Variants in AGPAT3 observed in about 807,000 individuals in gnomAD.
AGPAT3 encodes 1-acyl-sn-glycerol-3-phosphate acyltransferase gamma.
In AGPAT3, 5 loss-of-function variants were observed where a neutral mutation model predicts 47.3. The ratio of observed to expected loss-of-function variants is 0.11; its 90% CI spans 0.06 to 0.22. The LOEUF is 0.22. Among genes scored for constraint, AGPAT3 ranks in the 10% least tolerant of loss-of-function variants. The probability of loss-of-function intolerance (pLI) is 1.00; values close to 1 mark genes in which losing one functional copy is unlikely to be tolerated. For synonymous variants in AGPAT3, 212 were observed against 208.3 expected, an observed-to-expected ratio of 1.02 and a Z score of -0.15; for missense variants, 315 against 493.0, an observed-to-expected ratio of 0.64 and a Z score of 3.42.
intron 2 of AGPAT3, among the ~76,000 whole-genome samples, chr21:43,935,679 C>T (rs980699132): frequency 3.3e-5 from 5 of 152,086 alleles, no homozygotes; most frequent in African/African-American, 1.2e-4. Flanking sequence ...GTTATTCAGA[C>T]ATGGAAAGGG....
Position 43,872,997 on chromosome 21 carries a change from C to T in AGPAT3, c.-112+7652C>T, listed in dbSNP as rs180968615. Among the ~76,000 whole-genome samples, 38 of 152,370 alleles carry T rather than the reference C, an allele frequency of 2.5e-4. No individual in the cohort carries two copies. In the East Asian group the frequency reaches 2.9e-3, roughly 12 times the overall value. ...ACAGAGAGCTGCGGCCTCCCCCTGC[C>T]GGGACGGCGAAACTTAAAAGACTGT... On this transcript the variant is annotated intron_variant, in intron 1 of 9. Transcript: ENST00000291572.
At chr21:43,907,173 C>T (rs907005370) in intron 2 of AGPAT3, among the ~76,000 whole-genome samples, 9 of 151,806 alleles carry the variant, frequency 5.9e-5, no homozygotes, top group Admixed American at 2.0e-4. Flanking sequence ...GCTGGGACCA[C>T]GGGCATGGGC....
intron 2 of AGPAT3, among the ~76,000 whole-genome samples, chr21:43,943,454 G>C (rs944064813): frequency 6.6e-6 from 1 of 152,186 alleles, no homozygotes; most frequent in Non-Finnish European, 1.5e-5. Flanking sequence ...ATCACCTACT[G>C]TATACCAGGC....
At chr21:43,903,283 C>T (rs1306994404) in intron 1 of AGPAT3, among the ~76,000 whole-genome samples, 1 of 152,062 alleles carries the variant, frequency 6.6e-6, no homozygotes, top group African/African-American at 2.4e-5. Flanking sequence ...TTAATGGAGA[C>T]AGTGTTTCTG....
At chr21:43,919,216 C>T (rs769451236) in intron 2 of AGPAT3, among the ~76,000 whole-genome samples, 8 of 152,122 alleles carry the variant, frequency 5.3e-5, no homozygotes, top group East Asian at 3.9e-4. Flanking sequence ...TTTGGTTATG[C>T]GGACAGGTTC....
intron 2 of AGPAT3, among the ~76,000 whole-genome samples, chr21:43,904,834 C>T (rs1187094255): frequency 6.6e-6 from 1 of 152,196 alleles, no homozygotes; most frequent in Admixed American, 6.5e-5. Flanking sequence ...CAGGAGGTGT[C>T]TCCTCCAAAT....
chr21:43,912,361 C>A (rs1480086912), intron 2 of AGPAT3, among the ~76,000 whole-genome samples: 5 of 152,262 alleles, frequency 3.3e-5, no homozygotes, highest in Non-Finnish European at 7.3e-5. Context: ...ATGAATTTCT[C>A]CTGAGGAAGG....
chr21:43,926,484 C>T (rs995920609), intron 2 of AGPAT3, among the ~76,000 whole-genome samples: 1 of 152,106 alleles, frequency 6.6e-6, no homozygotes, highest in Non-Finnish European at 1.5e-5. Flanking sequence ...TCGGGTGTTT[C>T]ATTCTCACAG....
Position 43,981,802 on chromosome 21 carries a change from C to G in AGPAT3, c.1043-502C>G, listed in dbSNP as rs2089862317. Among the ~76,000 whole-genome samples, 1 of 152,184 alleles carries G rather than the reference C, an allele frequency of 6.6e-6. No homozygotes were observed. The highest frequency in any genetic ancestry group is 2.1e-4 in the South Asian group (1 of 4,826). On this transcript the variant is annotated intron_variant, in intron 9 of 9. Transcript: ENST00000291572. The surrounding 1 kb of genome is among the most constrained non-coding windows in gnomAD (Gnocchi z 5.3). ...GGCCCAGCAGCTGGGCCAGCTCCTCCCCTGCTCCTGCCGCCCCTGCCAGGG... is the reference window on the plus strand; with the variant it reads ...GGCCCAGCAGCTGGGCCAGCTCCTCGCCTGCTCCTGCCGCCCCTGCCAGGG...
intron 2 of AGPAT3, among the ~76,000 whole-genome samples, chr21:43,942,091 C>G (rs1020092222): frequency 2.6e-5 from 4 of 152,256 alleles, no homozygotes; most frequent in African/African-American, 4.8e-5. Flanking sequence ...TTCGAGGCCT[C>G]AAGTGGTGGC....
intron 8 of AGPAT3, among the ~76,000 whole-genome samples, chr21:43,979,806 CAG>C (rs1180114653): frequency 6.6e-6 from 1 of 152,196 alleles, no homozygotes; most frequent in Non-Finnish European, 1.5e-5. Flanking sequence ...GCTGGGTGCT[CAG>C]GGGTGGCCAG....
At chr21:43,899,337 T>C (rs1363915353) in intron 1 of AGPAT3, among the ~76,000 whole-genome samples, 3 of 152,182 alleles carry the variant, frequency 2.0e-5, no homozygotes, top group Non-Finnish European at 2.9e-5. Flanking sequence ...ATCTCTCCTT[T>C]GAAGGTAGTC....
intron 5 of AGPAT3, 133 bp downstream of exon 5, chr21:43,969,412 GC>G (rs2089298535): frequency 8.5e-7 from 1 of 1,169,812 alleles, no homozygotes; most frequent in Non-Finnish European, 1.2e-6. Context: ...TTTCCATGGG[GC>G]CATGACTCCC....
chr21:43,872,052 T>A (rs1045034197), intron 1 of AGPAT3, among the ~76,000 whole-genome samples: 10 of 152,204 alleles, frequency 6.6e-5, no homozygotes, highest in Non-Finnish European at 1.5e-5. Flanking sequence ...CTCTCTAGAG[T>A]TGACTGTGCA....
At chr21:43,914,253 A>G (rs193182674) in intron 2 of AGPAT3, among the ~76,000 whole-genome samples, 1 of 152,250 alleles carries the variant, frequency 6.6e-6, no homozygotes, top group African/African-American at 2.4e-5. Flanking sequence ...GGTGATTTAG[A>G]CAAATTTCCT....
chr21:43,896,888 T>G (rs1429203470), intron 1 of AGPAT3, among the ~76,000 whole-genome samples: 1 of 151,830 alleles, frequency 6.6e-6, no homozygotes, highest in Non-Finnish European at 1.5e-5. Flanking sequence ...GAAATGTATC[T>G]CTTGTAGACA....
chr21:43,959,826 C>G lies in AGPAT3; in HGVS notation c.145C>G (p.Leu49Val). The change falls in exon 3 of 10, where the codon CTC (leucine) becomes GTC (valine). Residue 49 changes from leucine (L) to valine (V), a missense_variant. Coordinates refer to ENST00000291572, the MANE Select transcript of AGPAT3 (RefSeq NM_020132.5). ...GGTCAGCAAGCAGCTCTACCGCCGC[C>G]TCAACTGCCGCCTCGCCTACTCACT... ...WPVSKQLYRR[L>V]NCRLAYSLWS... 6.2e-7 allele frequency: 1 copy of G among 1,611,650 alleles called. No individual in the cohort carries two copies. Among genetic ancestry groups the G allele is most frequent in the Non-Finnish European group, 8.5e-7 (1 of 1,179,848 alleles).
In AGPAT3 at chr21:43,899,515, G is replaced by A. The variant is rs532899384; in HGVS notation, c.-111-4442G>A. 1.7e-3 allele frequency among the ~76,000 whole-genome samples: 263 copies of A among 152,348 alleles called. 1 individual carries two copies. Among genetic ancestry groups the A allele is most frequent in the African/African-American group, 5.6e-3 (231 of 41,580 alleles). The stretch of plus-strand genomic sequence containing the variant: ...TAAAGGTCTCTTAGAAGGTCTGAGC[G>A]ATTCGTGACCGGATCCCCGGGACGC... On this transcript the variant is annotated intron_variant, in intron 1 of 9. Coordinates refer to ENST00000291572, the MANE Select transcript of AGPAT3 (RefSeq NM_020132.5).
chr21:43,887,869 G>C (rs2086015683), intron 1 of AGPAT3, among the ~76,000 whole-genome samples: 2 of 152,054 alleles, frequency 1.3e-5, no homozygotes, highest in African/African-American at 4.8e-5. Context: ...GGCCAGGCTG[G>C]TCTCAAACTC....
Sources: gnomAD v4.1 joint callset for allele counts (sites outside exome capture counted in the v4.1 genomes callset) on GRCh38, gnomAD v4.1.1 for gene constraint, Gnocchi (gnomAD v3.1) non-coding constraint, MANE v1.5 for transcripts, NCBI Gene and HGNC (gene_info 2026-07-23, HGNC 2026-07-21) for gene names.